Variants in TDRD3 observed in about 807,000 individuals in gnomAD.
The protein encoded by TDRD3 is tudor domain containing 3.
Under a neutral mutation model 86.7 loss-of-function variants are expected in TDRD3, and 45 were observed. The ratio of observed to expected loss-of-function variants is 0.52; its 90% CI spans 0.41 to 0.67. The LOEUF (loss-of-function observed/expected upper bound fraction) is 0.67. TDRD3 is among the 30% of genes least tolerant of loss of function. The pLI, the probability that TDRD3 is intolerant of heterozygous loss-of-function variation, is 0.00. For missense variants in TDRD3, 814 were observed against 889.0 expected (o/e 0.92, Z 1.07); for synonymous variants, 298 against 301.7 (o/e 0.99, Z 0.13).
At chr13:60,475,586 G>A (rs1273209516) in intron 5 of TDRD3, among the ~76,000 whole-genome samples, 1 of 152,060 alleles carries the variant, frequency 6.6e-6, no homozygotes, top group Non-Finnish European at 1.5e-5. Context: ...TGCAGTAATA[G>A]TAGTTGAACT....
chr13:60,411,828 A>G (rs1306726738), intron 1 of TDRD3, among the ~76,000 whole-genome samples: 1 of 152,186 alleles, frequency 6.6e-6, no homozygotes, highest in Non-Finnish European at 1.5e-5. Context: ...TTCTTATTAA[A>G]GAATCTTATT....
chr13:60,479,392 A>G (rs1021262179), intron 5 of TDRD3, among the ~76,000 whole-genome samples: 2 of 152,210 alleles, frequency 1.3e-5, no homozygotes, highest in African/African-American at 4.8e-5. Context: ...TTTTGAATTA[A>G]TGGAGACTTG....
chr13:60,415,775 C>T (rs1954492460), intron 1 of TDRD3, among the ~76,000 whole-genome samples: 1 of 152,032 alleles, frequency 6.6e-6, no homozygotes, highest in African/African-American at 2.4e-5. Context: ...AAATAAGAGC[C>T]ATGAAAAGAT....
intron 1 of TDRD3, among the ~76,000 whole-genome samples, chr13:60,426,705 A>C (rs903837544): frequency 6.6e-6 from 1 of 152,188 alleles, no homozygotes; most frequent in South Asian, 2.1e-4. Context: ...AATTAAGGAG[A>C]GATTACTCCA....
At chr13:60,558,259 A>G (rs1026751949) in intron 12 of TDRD3, among the ~76,000 whole-genome samples, 2 of 152,344 alleles carry the variant, frequency 1.3e-5, no homozygotes, top group East Asian at 3.9e-4. Context: ...TGATATAATC[A>G]TTGCTCTCAG....
chr13:60,435,867 G>C (rs7330768), intron 1 of TDRD3, among the ~76,000 whole-genome samples: 151,318 of 151,862 alleles, frequency 1, 75,387 homozygotes, highest in Middle Eastern at 1. Context: ...AGTGGTTGTA[G>C]CAATTTACAT....
chr13:60,423,361 A>G (rs185594341), intron 1 of TDRD3, among the ~76,000 whole-genome samples: 283 of 152,318 alleles, frequency 1.9e-3, no homozygotes, highest in Non-Finnish European at 2.9e-3. Context: ...TGCTTTCATT[A>G]CTAGTAATGA....
intron 3 of TDRD3, among the ~76,000 whole-genome samples, chr13:60,445,690 C>G (rs1436498226): frequency 3.3e-5 from 5 of 152,136 alleles, no homozygotes; most frequent in South Asian, 2.1e-4. Flanking sequence ...ATGTAGAGTT[C>G]TAGGAAGGAT....
chr13:60,464,209 C>T lies in TDRD3; in HGVS notation c.354-3029C>T, dbSNP rs576380605. 1.5e-3 allele frequency among the ~76,000 whole-genome samples: 221 copies of T among 152,228 alleles called. 1 individual carries two copies. The highest frequency in any genetic ancestry group is 4.9e-3 in the African/African-American group (205 of 41,524). The stretch of plus-strand genomic sequence containing the variant: ...AACCTTTCTTTATAAATTACCCAGC[C>T]TCAGGTATTCCTTTATAGCAACACA... On this transcript the variant is annotated intron_variant, in intron 4 of 13. Coordinates refer to ENST00000377881, the MANE Select transcript of TDRD3 (RefSeq NM_001146070.2).
In TDRD3 at chr13:60,475,402, A is replaced by G. The variant is rs548951197; in HGVS notation, c.495+8023A>G. On this transcript the variant is annotated intron_variant, in intron 5 of 13. Transcript: ENST00000377881. The stretch of plus-strand genomic sequence containing the variant: ...AGAATGATGGCCTCCAGATGCATCC[A>G]TATTGCTGCAAAGGACATTATTTCA... Among the ~76,000 whole-genome samples, 3 of 152,310 alleles carry G rather than the reference A, an allele frequency of 2.0e-5. No individual in the cohort carries two copies. In the East Asian group the frequency reaches 5.8e-4, roughly 29 times the overall value.
intron 4 of TDRD3, among the ~76,000 whole-genome samples, chr13:60,461,412 G>A (rs1392671298): frequency 6.6e-6 from 1 of 152,108 alleles, no homozygotes; most frequent in Non-Finnish European, 1.5e-5. Context: ...GAGAAGGAAG[G>A]GAAATTGTCC....
intron 1 of TDRD3, among the ~76,000 whole-genome samples, chr13:60,419,114 A>G (rs988182161): frequency 3.9e-5 from 6 of 152,228 alleles, no homozygotes; most frequent in Admixed American, 1.3e-4. Context: ...TTAACTTTAT[A>G]GGAAACAGCC....
At chr13:60,528,249 A>G in intron 10 of TDRD3, 118 bp from the exon 11 acceptor site, 1 of 1,161,784 alleles carries the variant, frequency 8.6e-7, no homozygotes, top group Non-Finnish European at 1.1e-6. Context: ...AGGAAGATGG[A>G]AGAAGATTTT....
chr13:60,484,118 GT>G lies in TDRD3; in HGVS notation c.567+281del, dbSNP rs142692737. Among the ~76,000 whole-genome samples the G allele has an allele frequency of 4.6e-5, 7 of 150,816 alleles. No homozygotes were observed. The South Asian group carries it at 6.3e-4, about 14-fold the overall frequency. On this transcript the variant is annotated intron_variant, in intron 6 of 13. Transcript: ENST00000377881. ...ACTAATTAAAATAGGATGGGAGAGG[GT>G]TTTTTTTTGAGGGAAATTCAAAAGT...
At chr13:60,423,298 T>C (rs528956996) in intron 1 of TDRD3, among the ~76,000 whole-genome samples, 1 of 152,234 alleles carries the variant, frequency 6.6e-6, no homozygotes, top group African/African-American at 2.4e-5. Context: ...ACTTCAGGAG[T>C]TTGCAGGGAC....
At chr13:60,416,655 T>C (rs1483757660) in intron 1 of TDRD3, among the ~76,000 whole-genome samples, 1 of 152,250 alleles carries the variant, frequency 6.6e-6, no homozygotes, top group African/African-American at 2.4e-5. Flanking sequence ...TCTGCTACAG[T>C]CTGGCTTGTG....
At chr13:60,417,915 G>C (rs1312970375) in intron 1 of TDRD3, among the ~76,000 whole-genome samples, 2 of 151,984 alleles carry the variant, frequency 1.3e-5, no homozygotes, top group African/African-American at 4.8e-5. Flanking sequence ...TTAAGAATCA[G>C]ACCTGCCAAT....
At chr13:60,554,716 A>G (rs190907879) in intron 12 of TDRD3, among the ~76,000 whole-genome samples, 1 of 152,336 alleles carries the variant, frequency 6.6e-6, no homozygotes, top group East Asian at 1.9e-4. Flanking sequence ...CTACAGCTGA[A>G]TGGCAAAGGA....
At chr13:60,419,282 T>G (rs1954599940) in intron 1 of TDRD3, among the ~76,000 whole-genome samples, 1 of 152,254 alleles carries the variant, frequency 6.6e-6, no homozygotes, top group Non-Finnish European at 1.5e-5. Context: ...GGTTTTAATG[T>G]GTATTTTCTT....
Sources: gnomAD v4.1 joint callset for allele counts (sites outside exome capture counted in the v4.1 genomes callset) on GRCh38, gnomAD v4.1.1 for gene constraint, MANE v1.5 for transcripts, NCBI Gene and HGNC (gene_info 2026-07-23, HGNC 2026-07-21) for gene names.